Variants in PTPRQ observed in about 807,000 individuals in gnomAD.
PTPRQ encodes phosphatidylinositol phosphatase PTPRQ.
In PTPRQ, 199 loss-of-function variants were observed where a neutral mutation model predicts 246.0. The ratio of observed to expected loss-of-function variants is 0.81; its 90% confidence interval spans 0.72 to 0.91. The LOEUF (loss-of-function observed/expected upper bound fraction) is 0.91. PTPRQ is among the 40% of genes least tolerant of loss of function. PTPRQ has a pLI of 0.00. For synonymous variants in PTPRQ, 869 were observed against 853.2 expected, an observed-to-expected ratio of 1.02 and a Z score of -0.32; for missense variants, 2,624 against 2,528.4, an observed-to-expected ratio of 1.04 and a Z score of -0.81.
intron 19 of PTPRQ, among the ~76,000 whole-genome samples, chr12:80,535,386 CAA>C (rs1256620767): frequency 1.3e-5 from 2 of 152,024 alleles, no homozygotes; most frequent in Non-Finnish European, 2.9e-5. Context: ...CATTTATCCT[CAA>C]AGTTATTTAT....
Position 80,622,139 on chromosome 12 carries a change from G to T in PTPRQ, c.5686+5G>T. ...CTGACCCTGTTAAGACTTTAGGTAAGACATTTTTGTAATTCATTTATAATC... is the reference window on the plus strand; with the variant it reads ...CTGACCCTGTTAAGACTTTAGGTAATACATTTTTGTAATTCATTTATAATC... On this transcript the variant is annotated splice_donor_5th_base_variant and intron_variant, in intron 33 of 44. Coordinates refer to ENST00000644991, the MANE Select transcript of PTPRQ (RefSeq NM_001145026.2). 2 of 1,408,870 alleles carry T rather than the reference G, an allele frequency of 1.4e-6. No individual in the cohort carries two copies. The highest frequency in any genetic ancestry group is 1.6e-5 in the South Asian group (1 of 61,128). 87.3% of individuals were successfully genotyped at this position (1,408,870 alleles called of 1,614,324 possible).
At chr12:80,574,593 C>T (rs186780057) in intron 25 of PTPRQ, among the ~76,000 whole-genome samples, 7 of 152,012 alleles carry the variant, frequency 4.6e-5, no homozygotes, top group African/African-American at 7.2e-5. Context: ...TATTATTTTT[C>T]GTGGCTTCTC....
chr12:80,496,313 A>G lies in PTPRQ; in HGVS notation c.2054A>G (p.Lys685Arg). The change falls in exon 14 of 45, where the codon AAG becomes AGG. Residue 685 changes from lysine (K) to arginine (R), a missense_variant. Physicochemically the swap from Lys to Arg is conservative, Grantham distance 26. Coordinates refer to ENST00000644991, the MANE Select transcript of PTPRQ (RefSeq NM_001145026.2). Reference sequence around the variant, plus strand: ...GTTACCGCAGATGAAATAAGGTTGAAGTGGTCACCACCCGAAAAGCCCAAT... The same window carrying G: ...GTTACCGCAGATGAAATAAGGTTGAGGTGGTCACCACCCGAAAAGCCCAAT... ...IDVTADEIRL[K>R]WSPPEKPNGI... 1 of 1,550,808 alleles carries G rather than the reference A, an allele frequency of 6.4e-7. No homozygotes were observed. The highest frequency in any genetic ancestry group is 1.2e-5 in the South Asian group (1 of 83,944).
At chr12:80,552,126 A>T (rs1333837735) in intron 25 of PTPRQ, among the ~76,000 whole-genome samples, 2 of 152,048 alleles carry the variant, frequency 1.3e-5, no homozygotes, top group Non-Finnish European at 2.9e-5. Flanking sequence ...GGTAATTCCG[A>T]TATTCTGTAT....
chr12:80,596,241 T>C (rs1897966271), intron 26 of PTPRQ, among the ~76,000 whole-genome samples: 1 of 152,032 alleles, frequency 6.6e-6, no homozygotes, highest in African/African-American at 2.4e-5. Flanking sequence ...AACATTAAAG[T>C]ATCTAATAAA....
At position 80,460,755 on chromosome 12, in the gene PTPRQ, C is replaced by A. The variant is rs1893136473; in HGVS notation, c.763C>A (p.Gln255Lys). ...RTTHSSSTLT[Q>K]NEISSVWKEP... ...CACACATTCATCAAGCACGTTGACA[C>A]AGAATGAGATCAGCTCTGTGTGGAA... Residue 255 changes from glutamine (Q) to lysine (K), a missense_variant, in exon 6 of 45, where the codon CAG becomes AAG. Gln to Lys is a moderately conservative substitution (Grantham distance 53). Transcript: ENST00000644991. 2.5e-6 allele frequency: 1 copy of A among 400,410 alleles called. No homozygotes were observed. Among genetic ancestry groups the A allele is most frequent in the African/African-American group, 2.1e-5 (1 of 48,662 alleles). The allele number at this position is 400,410 out of a possible 1,614,324, so 24.8% of individuals were successfully genotyped here.
intron 18 of PTPRQ, among the ~76,000 whole-genome samples, chr12:80,534,501 A>G (rs1895931582): frequency 2.0e-5 from 3 of 152,060 alleles, no homozygotes; most frequent in African/African-American, 7.2e-5. Context: ...ATTAAACGAA[A>G]CAACATAAAA....
At chr12:80,516,030 T>G (rs1895288490) in intron 17 of PTPRQ, among the ~76,000 whole-genome samples, 1 of 152,102 alleles carries the variant, frequency 6.6e-6, no homozygotes, top group African/African-American at 2.4e-5. Flanking sequence ...ATTTCCCCCC[T>G]GCAGTTATTG....
At chr12:80,672,678 A>G (rs1840151208) in intron 42 of PTPRQ, among the ~76,000 whole-genome samples, 1 of 152,076 alleles carries the variant, frequency 6.6e-6, no homozygotes, top group Non-Finnish European at 1.5e-5. Context: ...CAATTTTATT[A>G]TCTATAGGAG....
intron 25 of PTPRQ, among the ~76,000 whole-genome samples, chr12:80,552,794 T>C (rs1289628793): frequency 6.6e-6 from 1 of 150,950 alleles, no homozygotes; most frequent in Non-Finnish European, 1.5e-5. Context: ...TTAAACATAT[T>C]GTACTATGAA....
rs554194736 is a variant in PTPRQ at position 80,539,890 on chromosome 12, G to T, written c.3100G>T (p.Val1034Phe). ...YTFWLTASTS[V>F]GNGNKSSDII... Reference sequence around the variant, plus strand: ...ATTTTGGTTAACAGCAAGTACTTCAGTTGGAAATGGGAATAAAAGCAGTGA... The same window carrying T: ...ATTTTGGTTAACAGCAAGTACTTCATTTGGAAATGGGAATAAAAGCAGTGA... The change falls in exon 20 of 45, where the codon GTT becomes TTT. Residue 1034 changes from valine to phenylalanine, a missense_variant. Physicochemically the swap from Val to Phe is conservative, Grantham distance 50. Coordinates refer to ENST00000644991, the MANE Select transcript of PTPRQ (RefSeq NM_001145026.2). 9.0e-5 allele frequency: 139 copies of T among 1,548,898 alleles called. No homozygotes were observed. The highest frequency in any genetic ancestry group is 1.0e-4 in the Non-Finnish European group (114 of 1,145,646).
chr12:80,481,265 G>A (rs528314473), intron 8 of PTPRQ, among the ~76,000 whole-genome samples: 2 of 152,076 alleles, frequency 1.3e-5, no homozygotes, highest in South Asian at 2.1e-4. Flanking sequence ...CAGAACCAAA[G>A]ACAAAAATCA....
At chr12:80,676,418 G>A (rs537196530) in intron 43 of PTPRQ, among the ~76,000 whole-genome samples, 8 of 152,104 alleles carry the variant, frequency 5.3e-5, no homozygotes, top group South Asian at 2.1e-4. Context: ...CAAGGTGGGC[G>A]GATCACCAGG....
In PTPRQ at chr12:80,472,252, G is replaced by A. The variant is rs753703537; in HGVS notation, c.1186+1G>A. Reference sequence around the variant, plus strand: ...ATTTCAGTATTCACTCCACCAGATGGTAAGAACATAGGGAATGAGTGAGAT... The same window carrying A: ...ATTTCAGTATTCACTCCACCAGATGATAAGAACATAGGGAATGAGTGAGAT... On this transcript the variant is annotated splice_donor_variant, in intron 8 of 44. Transcript: ENST00000644991. LOFTEE classifies it high-confidence loss of function. The A allele has an allele frequency of 1.9e-6, 3 of 1,551,358 alleles. No individual in the cohort carries two copies. Among genetic ancestry groups the A allele is most frequent in the Non-Finnish European group, 2.6e-6 (3 of 1,146,900 alleles).
At chr12:80,667,936 G>A (rs1900837593) in intron 39 of PTPRQ, among the ~76,000 whole-genome samples, 1 of 151,828 alleles carries the variant, frequency 6.6e-6, no homozygotes, top group Non-Finnish European at 1.5e-5. Flanking sequence ...AATGTTCCTG[G>A]CTTGCACTGT....
intron 39 of PTPRQ, among the ~76,000 whole-genome samples, chr12:80,668,382 CCAT>C (rs1343042919): frequency 6.6e-6 from 1 of 151,842 alleles, no homozygotes; most frequent in African/African-American, 2.4e-5. Context: ...CTTCATATTA[CCAT>C]GTTTTTCTTG....
At chr12:80,612,918 T>TTG (rs1385222607) in intron 28 of PTPRQ, among the ~76,000 whole-genome samples, 1 of 150,590 alleles carries the variant, frequency 6.6e-6, no homozygotes, top group African/African-American at 2.4e-5. Context: ...TATTGTCATT[T>TTG]TCAAAATGAC....
chr12:80,633,083 A>G (rs1006535981), intron 34 of PTPRQ, among the ~76,000 whole-genome samples: 1 of 152,284 alleles, frequency 6.6e-6, no homozygotes, highest in African/African-American at 2.4e-5. Flanking sequence ...GCCGGCTGGC[A>G]AAGGAGAAAT....
chr12:80,455,811 G>C (rs1892964253), intron 3 of PTPRQ, among the ~76,000 whole-genome samples: 2 of 151,818 alleles, frequency 1.3e-5, no homozygotes, highest in Non-Finnish European at 2.9e-5. Flanking sequence ...ATGTTGGTCA[G>C]ACTGGTCTCG....
Sources: gnomAD v4.1 joint callset for allele counts (sites outside exome capture counted in the v4.1 genomes callset) on GRCh38, gnomAD v4.1.1 for gene constraint, MANE v1.5 for transcripts, NCBI Gene and HGNC (gene_info 2026-07-23, HGNC 2026-07-21) for gene names.